The following ARHGAP12 variants were observed in gnomAD, a reference collection of about 807,000 sequenced individuals.
ARHGAP12 encodes the protein rho GTPase-activating protein 12.
ARHGAP12 carries 64 observed loss-of-function variants against 108.6 expected under a neutral mutation model. That is an observed-to-expected ratio of 0.59 (90% CI 0.48 to 0.73). The LOEUF is 0.73. ARHGAP12 is among the 30% of genes least tolerant of loss of function. The probability of loss-of-function intolerance (pLI) is 0.00; values close to 1 mark genes in which losing one functional copy is unlikely to be tolerated. For synonymous variants in ARHGAP12, 312 were observed against 337.2 expected (o/e 0.93, Z 0.82); for missense variants, 940 against 1,005.9 (o/e 0.93, Z 0.89).
At chr10:31,904,860 C>T (rs1228321466) in intron 3 of ARHGAP12, among the ~76,000 whole-genome samples, 1 of 152,204 alleles carries the variant, frequency 6.6e-6, no homozygotes, top group East Asian at 1.9e-4. Context: ...CTCCTGGGCC[C>T]AGGTGATCCT....
At chr10:31,859,921 A>G (rs1171283198) in intron 4 of ARHGAP12, among the ~76,000 whole-genome samples, 1 of 151,742 alleles carries the variant, frequency 6.6e-6, no homozygotes, top group East Asian at 1.9e-4. Context: ...CTGCCTTCCA[A>G]GTAGCTGGGA....
chr10:31,862,461 G>A (rs768830856), intron 3 of ARHGAP12, among the ~76,000 whole-genome samples: 4 of 152,034 alleles, frequency 2.6e-5, no homozygotes, highest in African/African-American at 4.8e-5. Context: ...ACTGTAAATT[G>A]TATTAGGTTA....
chr10:31,810,619 T>TAA, intron 16 of ARHGAP12, 30 bp downstream of exon 16: 7 of 1,307,742 alleles, frequency 5.4e-6, no homozygotes, highest in Middle Eastern at 2.1e-4. Flanking sequence ...TGCTTAATGT[T>TAA]AAAAAAAAAA....
chr10:31,842,765 C>G (rs1029336050), intron 7 of ARHGAP12, among the ~76,000 whole-genome samples: 1 of 152,000 alleles, frequency 6.6e-6, no homozygotes, highest in Non-Finnish European at 1.5e-5. Context: ...TTTAAAAAAC[C>G]TTTACATTTC....
intron 3 of ARHGAP12, among the ~76,000 whole-genome samples, chr10:31,892,608 C>G (rs1838496490): frequency 6.6e-6 from 1 of 152,134 alleles, no homozygotes; most frequent in South Asian, 2.1e-4. Context: ...TAAAGCAAGT[C>G]CTTAGAGACC....
intron 6 of ARHGAP12, among the ~76,000 whole-genome samples, chr10:31,849,792 T>C (rs1175289048): frequency 6.6e-6 from 1 of 152,196 alleles, no homozygotes. Flanking sequence ...CTGGTCACAA[T>C]CAGTACCCAT....
intron 6 of ARHGAP12, 149 bp downstream of exon 6, chr10:31,852,368 C>T: frequency 1.5e-6 from 1 of 664,164 alleles, no homozygotes. Context: ...AAAACTTACA[C>T]TACTCACAGT....
intron 9 of ARHGAP12, among the ~76,000 whole-genome samples, chr10:31,832,138 G>A (rs1835858376): frequency 6.6e-6 from 1 of 151,982 alleles, no homozygotes; most frequent in Non-Finnish European, 1.5e-5. Context: ...AATGCTATAA[G>A]GATAAATTCT....
intron 11 of ARHGAP12, among the ~76,000 whole-genome samples, chr10:31,822,678 C>T (rs1436665014): frequency 6.6e-6 from 1 of 152,110 alleles, no homozygotes; most frequent in Non-Finnish European, 1.5e-5. Context: ...TGTCCAAAAT[C>T]CCCTAGCTTC....
Position 31,820,477 on chromosome 10 carries a change from A to C in ARHGAP12, c.1542T>G (p.Asn514Lys). The change falls in exon 12 of 20, where the codon AAT (asparagine) becomes AAG (lysine). Residue 514 changes from asparagine (N) to lysine (K), a missense_variant. Asn to Lys is a moderately conservative substitution (Grantham distance 94). Transcript: ENST00000344936. ...QGSSTSWFGS[N>K]QSKPEFTVDL... ...CCACTGTGAACTCTGGTTTGGACTG[A>C]TTACTGCCAAACTTCATTTTTGAAA... is the stretch of plus-strand genomic sequence containing the variant. 6.3e-7 allele frequency: 1 copy of C among 1,588,808 alleles called. No homozygotes were observed. The highest frequency in any genetic ancestry group is 1.2e-5 in the South Asian group (1 of 85,586).
intron 1 of ARHGAP12, among the ~76,000 whole-genome samples, chr10:31,915,330 G>A (rs1370838386): frequency 1.3e-5 from 2 of 151,790 alleles, no homozygotes; most frequent in African/African-American, 4.8e-5. Context: ...AGGTCGTGGT[G>A]GGCCAAGATA....
intron 4 of ARHGAP12, among the ~76,000 whole-genome samples, chr10:31,856,967 T>C (rs1382054735): frequency 1.3e-5 from 2 of 152,246 alleles, no homozygotes; most frequent in Admixed American, 6.5e-5. Flanking sequence ...ATATTAGCCA[T>C]GTATGAAATA....
chr10:31,811,741 T>C (rs1020246521), intron 15 of ARHGAP12, among the ~76,000 whole-genome samples: 2 of 152,082 alleles, frequency 1.3e-5, no homozygotes, highest in Non-Finnish European at 2.9e-5. Context: ...CAATCATAGC[T>C]GCACTGCAGC....
chr10:31,824,238 C>T (rs57426664), intron 11 of ARHGAP12, among the ~76,000 whole-genome samples: 7,689 of 152,198 alleles, frequency 0.051, 647 homozygotes, highest in African/African-American at 0.17. Flanking sequence ...AAGCATTTCA[C>T]CACATCTTTA....
intron 1 of ARHGAP12, among the ~76,000 whole-genome samples, chr10:31,923,190 T>C (rs1010244686): frequency 6.9e-6 from 1 of 144,660 alleles, no homozygotes; most frequent in Admixed American, 6.8e-5. Context: ...CAAAGATCTA[T>C]AGATGGTAAA....
At position 31,809,105 on chromosome 10, in the gene ARHGAP12, T is replaced by C. The variant is rs1461937313; in HGVS notation, c.2152A>G (p.Ser718Gly). 2 of 1,613,576 alleles carry C rather than the reference T, an allele frequency of 1.2e-6. No homozygotes were observed. The highest frequency in any genetic ancestry group is 1.1e-5 in the South Asian group (1 of 90,992). Reference sequence around the variant, plus strand: ...ATGACATGAATATCTTCCCATTTACTGTCATTCAAGTCCAATTTCTCATCT... The same window carrying C: ...ATGACATGAATATCTTCCCATTTACCGTCATTCAAGTCCAATTTCTCATCT... ...NHDEKLDLND[S>G]KWEDIHVITG... The change falls in exon 18 of 20, where the codon AGT becomes GGT. Residue 718 changes from serine (S) to glycine (G), a missense_variant. Coordinates refer to ENST00000344936, the MANE Select transcript of ARHGAP12 (RefSeq NM_018287.7).
intron 3 of ARHGAP12, among the ~76,000 whole-genome samples, chr10:31,882,007 C>G (rs1409252208): frequency 6.6e-6 from 1 of 150,778 alleles, no homozygotes; most frequent in Non-Finnish European, 1.5e-5. Flanking sequence ...CTCCGCCTCC[C>G]GGGTTCACGC....
chr10:31,916,098 C>T (rs749073416), intron 1 of ARHGAP12, among the ~76,000 whole-genome samples: 13 of 152,144 alleles, frequency 8.5e-5, no homozygotes, highest in Non-Finnish European at 1.5e-4. Context: ...GCTGTCCAAG[C>T]ACAATACTCC....
At chr10:31,839,768 C>T (rs1355731473) in intron 7 of ARHGAP12, 57 bp from the exon 8 acceptor site, 6 of 1,407,420 alleles carry the variant, frequency 4.3e-6, no homozygotes, top group Admixed American at 1.9e-5. Flanking sequence ...ATATTTCTGC[C>T]TCTACTCACA....
Sources: allele counts gnomAD v4.1 joint callset (sites outside exome capture counted in the v4.1 genomes callset), GRCh38; gene constraint gnomAD v4.1.1; transcripts MANE v1.5; gene names NCBI Gene and HGNC (gene_info 2026-07-23, HGNC 2026-07-21).